The following STARD9 variants were observed in gnomAD, a reference collection of about 807,000 sequenced individuals.
The protein encoded by STARD9 is StAR related lipid transfer domain containing 9.
In STARD9, 346 loss-of-function variants were observed where a neutral mutation model predicts 399.8. The ratio of observed to expected loss-of-function variants is 0.87; its 90% CI spans 0.79 to 0.95. The LOEUF (loss-of-function observed/expected upper bound fraction) is 0.95, where lower values mean the gene tolerates loss of function less well. Among genes scored for constraint, STARD9 ranks in the 40% least tolerant of loss-of-function variants. The pLI, the probability that STARD9 is intolerant of heterozygous loss-of-function variation, is 0.00. For synonymous variants in STARD9, 2,203 were observed against 2,143.5 expected, an observed-to-expected ratio of 1.03 and a Z score of -0.77; for missense variants, 5,832 against 5,667.5, an observed-to-expected ratio of 1.03 and a Z score of -0.93.
Position 42,663,293 on chromosome 15 carries a change from A to G in STARD9, c.881A>G (p.Gln294Arg). 10 of 1,532,828 alleles carry G rather than the reference A, an allele frequency of 6.5e-6. No individual in the cohort carries two copies. In the Middle Eastern group the frequency reaches 5.0e-4, roughly 77 times the overall value. The allele number at this position is 1,532,828 out of a possible 1,614,324, so 95.0% of individuals were successfully genotyped here. The change falls in exon 12 of 33, where the codon CAA (glutamine) becomes CGA (arginine). Residue 294 changes from glutamine to arginine, a missense_variant. Transcript: ENST00000290607. ...IVISTLAQNS[Q>R]VFSSCQSLNS... The stretch of plus-strand genomic sequence containing the variant: ...TTCATCTTTTAAGCCCAGAACTCCC[A>G]AGTTTTCAGCAGCTGCCAGAGCCTC...
Position 42,693,872 on chromosome 15 carries a change from G to A in STARD9, c.12294G>A (p.Gly4098=). Residue 4098 remains glycine (G), a synonymous_variant, in exon 23 of 33, where the codon GGG becomes GGA. Coordinates refer to ENST00000290607, the MANE Select transcript of STARD9 (RefSeq NM_020759.3). ...TCTCTGAGTTGACTGATACTGCAGG[G>A]CTCCGAGGTTCTGCCTTGGGCCTCC... ...CPVSELTDTA[G]LRGSALGLPQ... is the part of the protein sequence containing the mutation. 6.5e-7 allele frequency: 1 copy of A among 1,534,996 alleles called. No individual in the cohort carries two copies. The highest frequency in any genetic ancestry group is 2.4e-5 in the East Asian group (1 of 40,872).
intron 15 of STARD9, 27 bp from the exon 16 acceptor site, chr15:42,669,131 C>T: frequency 3.3e-6 from 5 of 1,506,430 alleles, no homozygotes; most frequent in Non-Finnish European, 2.7e-6. Context: ...TGCTGAGTGT[C>T]TCAGATCACC....
At chr15:42,631,700 T>C (rs1214971525) in intron 3 of STARD9, among the ~76,000 whole-genome samples, 2 of 152,202 alleles carry the variant, frequency 1.3e-5, no homozygotes, top group Non-Finnish European at 2.9e-5. Context: ...CCTCTTGTTA[T>C]TGATTTCTAA....
intron 4 of STARD9, among the ~76,000 whole-genome samples, chr15:42,635,833 T>C (rs1303639603): frequency 6.6e-6 from 1 of 152,162 alleles, no homozygotes; most frequent in Non-Finnish European, 1.5e-5. Flanking sequence ...GTGGCCAAGC[T>C]CCAAGCCTAC....
intron 3 of STARD9, among the ~76,000 whole-genome samples, chr15:42,589,283 C>T (rs2058347525): frequency 6.6e-6 from 1 of 152,148 alleles, no homozygotes; most frequent in Non-Finnish European, 1.5e-5. Context: ...AGCTCCTGGG[C>T]TCAAGTGATC....
intron 8 of STARD9, 39 bp from the exon 9 acceptor site, chr15:42,652,481 A>G: frequency 2.7e-6 from 4 of 1,508,262 alleles, no homozygotes; most frequent in Non-Finnish European, 3.6e-6. Context: ...ACCATGTGTA[A>G]ACAATCCTCG....
At chr15:42,622,006 C>G (rs1208245883) in intron 3 of STARD9, among the ~76,000 whole-genome samples, 1 of 152,160 alleles carries the variant, frequency 6.6e-6, no homozygotes, top group Non-Finnish European at 1.5e-5. Flanking sequence ...CCTATGAATT[C>G]TCACTGATTC....
chr15:42,700,510 T>G (rs1322158660), intron 26 of STARD9, among the ~76,000 whole-genome samples: 1 of 152,242 alleles, frequency 6.6e-6, no homozygotes, highest in Non-Finnish European at 1.5e-5. Context: ...AGTTTTGATT[T>G]GGATTTCCCT....
chr15:42,580,521 A>T (rs1038998860), intron 1 of STARD9, among the ~76,000 whole-genome samples: 35 of 150,644 alleles, frequency 2.3e-4, no homozygotes, highest in Non-Finnish European at 4.6e-4. Context: ...GGCTCTCAAT[A>T]AAAAAAAACA....
At chr15:42,591,996 A>G (rs188636270) in intron 3 of STARD9, among the ~76,000 whole-genome samples, 1 of 152,318 alleles carries the variant, frequency 6.6e-6, no homozygotes, top group South Asian at 2.1e-4. Flanking sequence ...CAAATTCAAG[A>G]CTGTTTAACT....
At chr15:42,618,514 A>G (rs2059017905) in intron 3 of STARD9, among the ~76,000 whole-genome samples, 2 of 152,206 alleles carry the variant, frequency 1.3e-5, no homozygotes, top group Non-Finnish European at 2.9e-5. Context: ...TTCCAAATAT[A>G]TGGTGCTAGA....
intron 14 of STARD9, 150 bp downstream of exon 14, chr15:42,665,480 T>C (rs964303262): frequency 1.0e-5 from 7 of 689,084 alleles, no homozygotes; most frequent in Non-Finnish European, 1.7e-5. Flanking sequence ...AACAGAGATT[T>C]CTCTGATTTC....
Position 42,692,980 on chromosome 15 carries a change from A to G in STARD9, c.11402A>G (p.Gln3801Arg), listed in dbSNP as rs1401653349. 2.6e-6 allele frequency: 4 copies of G among 1,537,120 alleles called. No homozygotes were observed. In the African/African-American group the frequency reaches 5.5e-5, roughly 21 times the overall value. Residue 3801 changes from glutamine to arginine, a missense_variant, in exon 23 of 33, where the codon CAG becomes CGG. Transcript: ENST00000290607. ...AAAATGGCTCAGCTCCTCTATCTTC[A>G]GGAAGAAAGCACTCCCTACAAGCCC... is the stretch of plus-strand genomic sequence containing the variant. ...AQKMAQLLYL[Q>R]EESTPYKPQS... is the part of the protein sequence containing the mutation.
In STARD9 at chr15:42,686,801, C is replaced by T. The variant is rs1011502460; in HGVS notation, c.5223C>T (p.Pro1741=). ...PWNPLSSSLQ[P]PLLETFYVTK... ...ATCCATTGTCATCTTCCCTGCAGCC[C>T]CCACTCTTGGAAACATTCTATGTGA... The change falls in exon 23 of 33, where the codon CCC becomes CCT. Residue 1741 remains proline, a synonymous_variant. Transcript: ENST00000290607. 3.9e-5 allele frequency: 60 copies of T among 1,537,068 alleles called. No individual in the cohort carries two copies. The highest frequency in any genetic ancestry group is 5.1e-5 in the Non-Finnish European group (58 of 1,146,910).
chr15:42,688,971 G>A lies in STARD9; in HGVS notation c.7393G>A (p.Glu2465Lys), dbSNP rs773040567. The change falls in exon 23 of 33, where the codon GAA becomes AAA. Residue 2465 changes from glutamate to lysine, a missense_variant. This residue lies in a region of STARD9 where 5,828 missense variants were observed against 5,651.1 expected (regional missense o/e 1.03). Coordinates refer to ENST00000290607, the MANE Select transcript of STARD9 (RefSeq NM_020759.3). The part of the protein sequence containing the change: ...GFSTSEDFAS[E>K]AEVAVQKEIR... ...CAGTACCAGTGAAGATTTTGCTTCT[G>A]AAGCCGAGGTGGCTGTACAAAAAGA... 2.2e-5 allele frequency: 34 copies of A among 1,537,292 alleles called. No individual in the cohort carries two copies. Among genetic ancestry groups the A allele is most frequent in the Non-Finnish European group, 2.8e-5 (32 of 1,146,932 alleles).
chr15:42,697,505 A>C (rs1487153603), intron 26 of STARD9, among the ~76,000 whole-genome samples: 1 of 152,174 alleles, frequency 6.6e-6, no homozygotes, highest in East Asian at 1.9e-4. Context: ...AAAGGGCACA[A>C]ATATATACAC....
intron 3 of STARD9, among the ~76,000 whole-genome samples, chr15:42,605,929 T>A (rs1357607179): frequency 6.6e-6 from 1 of 152,230 alleles, no homozygotes; most frequent in Non-Finnish European, 1.5e-5. Flanking sequence ...TTGCTTTTCC[T>A]TTTCTCCCGC....
intron 7 of STARD9, among the ~76,000 whole-genome samples, chr15:42,650,439 C>T (rs557173737): frequency 6.6e-6 from 1 of 152,184 alleles, no homozygotes; most frequent in African/African-American, 2.4e-5. Context: ...TCTAAAGCCT[C>T]CCCATTCTAT....
At position 42,685,641 on chromosome 15, in the gene STARD9, G is replaced by C. The variant is rs116333487; in HGVS notation, c.4063G>C (p.Gly1355Arg). The change falls in exon 23 of 33, where the codon GGT becomes CGT. Residue 1355 changes from glycine to arginine, a missense_variant. Physicochemically the swap from Gly to Arg is moderately radical, Grantham distance 125. Transcript: ENST00000290607. ...INPSSPPGIV[G>R]SLCPSPDMQE... ...CCCCAGCAGCCCCCCAGGAATAGTG[G>C]GTTCTTTATGTCCAAGTCCTGATAT... 8.7e-3 allele frequency: 13,427 copies of C among 1,537,150 alleles called. 386 individuals carry two copies. Among genetic ancestry groups the C allele is most frequent in the African/African-American group, 0.087 (6,365 of 73,122 alleles).
Sources: gnomAD v4.1 joint callset for allele counts (sites outside exome capture counted in the v4.1 genomes callset) on GRCh38, gnomAD v4.1.1 for gene constraint, gnomAD v4.1.1 regional missense constraint, MANE v1.5 for transcripts, NCBI Gene and HGNC (gene_info 2026-07-23, HGNC 2026-07-21) for gene names.